Variants in LZTFL1 observed in about 807,000 individuals in gnomAD.
LZTFL1 encodes leucine zipper transcription factor-like protein 1.
LZTFL1 carries 25 observed loss-of-function variants against 45.9 expected under a neutral mutation model. The observed-to-expected ratio is 0.54, with a 90% CI of 0.40 to 0.76. LZTFL1 has a LOEUF of 0.76. LZTFL1 is among the 30% of genes least tolerant of loss of function. The pLI is 0.00. For missense variants in LZTFL1, 277 were observed against 331.1 expected (o/e 0.84, Z 1.27); for synonymous variants, 93 against 117.4 (o/e 0.79, Z 1.35).
chr3:45,833,009 C>T (rs370341183), intron 5 of LZTFL1, 41 bp downstream of exon 5: 7 of 1,452,690 alleles, frequency 4.8e-6, no homozygotes, highest in Non-Finnish European at 6.8e-6. Context: ...AATGACAGGA[C>T]AGAATGAGAG....
At chr3:45,860,079 T>C (rs900464460) in intron 2 of LZTFL1, among the ~76,000 whole-genome samples, 4 of 152,062 alleles carry the variant, frequency 2.6e-5, no homozygotes, top group African/African-American at 9.7e-5. Context: ...AAAAATTTAA[T>C]GTAGATTTTA....
intron 4 of LZTFL1, among the ~76,000 whole-genome samples, chr3:45,853,975 T>G (rs1381758571): frequency 6.6e-6 from 1 of 152,198 alleles, no homozygotes; most frequent in East Asian, 1.9e-4. Context: ...TGAAACAGAC[T>G]TCTCAAAAGC....
chr3:45,911,367 T>A (rs1297666359), intron 2 of LZTFL1, among the ~76,000 whole-genome samples: 1 of 151,810 alleles, frequency 6.6e-6, no homozygotes, highest in Non-Finnish European at 1.5e-5. Context: ...GCCAAGAGAG[T>A]AAAAGGGATT....
chr3:45,831,157 AT>A lies in LZTFL1; in HGVS notation c.457-20del. On this transcript the variant is annotated intron_variant, in intron 5 of 9. Coordinates refer to ENST00000296135, the MANE Select transcript of LZTFL1 (RefSeq NM_020347.4). ...AAATTTCCTTTGTGAGTAAATTCAA[AT>A]TTTATTATATTAACCAAAATATTTT... 1 of 1,328,460 alleles carries A rather than the reference AT, an allele frequency of 7.5e-7. No individual in the cohort carries two copies. Among genetic ancestry groups the A allele is most frequent in the South Asian group, 1.4e-5 (1 of 72,858 alleles). The allele number at this position is 1,328,460 out of a possible 1,614,324, so 82.3% of individuals were successfully genotyped here.
At position 45,901,272 on chromosome 3, in the gene LZTFL1, C is replaced by G. The variant is rs1553617912; in HGVS notation, c.-215+11848G>C. ...AGCACATACTTGGAGGGAGAAAAGG[C>G]TTTTGTACAGCAAAATGGTTTGCTT... On this transcript the variant is annotated intron_variant, in intron 2 of 4. Coordinates refer to the LZTFL1 transcript ENST00000472635. This position sits in a 1 kb window ranked among gnomAD's most constrained non-coding sequence, Gnocchi z 4.3. 1.2e-6 allele frequency: 2 copies of G among 1,614,186 alleles called. No homozygotes were observed. The highest frequency in any genetic ancestry group is 2.2e-5 in the South Asian group (2 of 91,076).
chr3:45,913,561 G>C (rs1008766886), intron 1 of LZTFL1, among the ~76,000 whole-genome samples: 9 of 152,152 alleles, frequency 5.9e-5, no homozygotes, highest in African/African-American at 1.7e-4. Context: ...GATACTTTGA[G>C]AGTCTGCAGA....
intron 2 of LZTFL1, among the ~76,000 whole-genome samples, chr3:45,880,839 C>T (rs377660273): frequency 4.6e-5 from 7 of 152,056 alleles, no homozygotes; most frequent in East Asian, 1.9e-4. Context: ...CCCCTTCCCA[C>T]GCCACTCCCT....
At chr3:45,827,203 C>T in intron 9 of LZTFL1, 153 bp downstream of exon 9, 1 of 655,744 alleles carries the variant, frequency 1.5e-6, no homozygotes, top group Non-Finnish European at 2.7e-6. Context: ...AAGGTCAGGC[C>T]AGAGCTCCTC....
chr3:45,869,164 C>T (rs1453975910), intron 2 of LZTFL1, among the ~76,000 whole-genome samples: 2 of 152,114 alleles, frequency 1.3e-5, no homozygotes, highest in South Asian at 2.1e-4. Context: ...AGCACGAGAT[C>T]ACAAAGATCA....
upstream of LZTFL1, chr3:45,842,284 A>G: frequency 1.2e-6 from 1 of 849,308 alleles, no homozygotes; most frequent in South Asian, 1.8e-5. Context: ...TTGGGAGCTG[A>G]CTGCAGTTGC....
At chr3:45,894,999 T>C in intron 2 of LZTFL1, 1 of 1,595,196 alleles carries the variant, frequency 6.3e-7, no homozygotes, top group African/African-American at 1.3e-5. Context: ...CACACACTCA[T>C]CTTCCCTTTT....
intron 2 of LZTFL1, among the ~76,000 whole-genome samples, chr3:45,873,764 T>C (rs1192789387): frequency 6.6e-6 from 1 of 152,208 alleles, no homozygotes; most frequent in African/African-American, 2.4e-5. Context: ...ACAAAACCTC[T>C]TCCTGCCTCT....
chr3:45,909,227 T>A (rs1166679767), intron 2 of LZTFL1, among the ~76,000 whole-genome samples: 1 of 152,190 alleles, frequency 6.6e-6, no homozygotes, highest in Non-Finnish European at 1.5e-5. Context: ...AATAATTAAA[T>A]AAAGTGCACA....
In LZTFL1 at chr3:45,897,457, C is replaced by T. The variant is rs545746851; in HGVS notation, c.-215+15663G>A. On this transcript the variant is annotated intron_variant, in intron 2 of 4. Transcript: ENST00000472635. ...GGACACAATGTCCTTGTCTGGGATT[C>T]AGTCTTGGGAGTGTTAGCTGTGCCT... 2.3e-4 allele frequency: 173 copies of T among 740,714 alleles called. 2 individuals are homozygous for T. In the South Asian group the frequency reaches 2.4e-3, roughly 10 times the overall value. The allele number at this position is 740,714 out of a possible 1,614,324, so 45.9% of individuals were successfully genotyped here.
Position 45,828,736 on chromosome 3 carries a change from G to C in LZTFL1, c.601-121C>G, listed in dbSNP as rs1331314502. On this transcript the variant is annotated intron_variant, in intron 7 of 9. Coordinates refer to ENST00000296135, the MANE Select transcript of LZTFL1 (RefSeq NM_020347.4). ...TGATGTATGTTTTGTGTGCATGCCA[G>C]CCTCCCTTGCCAGCCTAGGTAAGTG... The C allele has an allele frequency of 5.9e-6, 5 of 842,216 alleles. No homozygotes were observed. The East Asian group carries it at 1.3e-4, about 22-fold the overall frequency. 52.2% of individuals were successfully genotyped at this position (842,216 alleles called of 1,614,324 possible).
intron 3 of LZTFL1, among the ~76,000 whole-genome samples, chr3:45,857,464 T>C (rs192080331): frequency 3.3e-5 from 5 of 152,262 alleles, no homozygotes; most frequent in Admixed American, 3.3e-4. Flanking sequence ...CAAACCACCA[T>C]GGCACACGTT....
rs1346189977 is a variant in LZTFL1 at position 45,901,704 on chromosome 3, G to A, written c.-215+11416C>T. 2.5e-6 allele frequency: 4 copies of A among 1,613,978 alleles called. No individual in the cohort carries two copies. Among genetic ancestry groups the A allele is most frequent in the Non-Finnish European group, 3.4e-6 (4 of 1,179,978 alleles). ...CTGCTTCCAGGTCACCCAGACCATC[G>A]CCTTCTTCCACAGTTGCCTGAACCC... On this transcript the variant is annotated intron_variant, in intron 2 of 4. Transcript: ENST00000472635. The surrounding 1 kb of genome is among the most constrained non-coding windows in gnomAD (Gnocchi z 4.3).
chr3:45,858,479 C>T (rs1251215613), intron 3 of LZTFL1, among the ~76,000 whole-genome samples: 1 of 152,128 alleles, frequency 6.6e-6, no homozygotes, highest in African/African-American at 2.4e-5. Context: ...ACGTTTTTAC[C>T]TAGTGTCATG....
At chr3:45,876,311 T>A (rs911948907) in intron 2 of LZTFL1, among the ~76,000 whole-genome samples, 3 of 152,230 alleles carry the variant, frequency 2.0e-5, no homozygotes, top group Non-Finnish European at 4.4e-5. Flanking sequence ...ATGATGTTCC[T>A]GCATTGGTCA....
Sources: allele counts gnomAD v4.1 joint callset (sites outside exome capture counted in the v4.1 genomes callset), GRCh38; gene constraint gnomAD v4.1.1; non-coding constraint Gnocchi (gnomAD v3.1); transcripts MANE v1.5; gene names NCBI Gene and HGNC (gene_info 2026-07-23, HGNC 2026-07-21).